Variants in LAMB1 observed in about 807,000 individuals in gnomAD.
The protein encoded by LAMB1 is laminin subunit beta 1.
A neutral mutation model predicts 222.3 loss-of-function variants in LAMB1; 121 were observed. The observed-to-expected ratio is 0.54, with a 90% CI of 0.47 to 0.63. LAMB1 has a LOEUF of 0.63. Among genes scored for constraint, LAMB1 ranks in the 30% least tolerant of loss-of-function variants. The pLI, the probability that LAMB1 is intolerant of heterozygous loss-of-function variation, is 0.00. For missense variants in LAMB1, 2,172 were observed against 2,240.8 expected, an observed-to-expected ratio of 0.97 and a Z score of 0.62; for synonymous variants, 794 against 807.2, an observed-to-expected ratio of 0.98 and a Z score of 0.28.
intron 13 of LAMB1, among the ~76,000 whole-genome samples, chr7:107,966,994 ATGC>A (rs1373649006): frequency 1.3e-5 from 2 of 152,152 alleles, no homozygotes; most frequent in Non-Finnish European, 2.9e-5. Context: ...TGGCTTTCCT[ATGC>A]AGATGGCCCT....
intron 21 of LAMB1, among the ~76,000 whole-genome samples, chr7:107,955,181 G>C (rs1283149066): frequency 1.3e-5 from 2 of 152,178 alleles, no homozygotes; most frequent in Non-Finnish European, 2.9e-5. Flanking sequence ...TAAAACTTAA[G>C]TTAATCTTTC....
In LAMB1 at chr7:107,960,609, G is replaced by A. The variant is rs2033478015; in HGVS notation, c.2150C>T (p.Thr717Ile). Residue 717 changes from threonine (T) to isoleucine (I), a missense_variant, in exon 18 of 34, where the codon ACC (threonine) becomes ATC (isoleucine). By Grantham distance (89) the Thr-to-Ile change is moderately conservative (BLOSUM62 -1). Coordinates refer to ENST00000222399, the MANE Select transcript of LAMB1 (RefSeq NM_002291.3). ...MPYCKSLDIF[T>I]VGGSGDGVVT... ...CACCCCATCTCCTGAACCTCCCACG[G>A]TGAAGATGTCCAGTGATTTACAGTA... The A allele has an allele frequency of 1.2e-6, 2 of 1,614,098 alleles. No individual in the cohort carries two copies. The highest frequency in any genetic ancestry group is 1.3e-5 in the African/African-American group (1 of 74,944).
rs78349536 is a variant in LAMB1, at chr7:107,933,692, C to T, written c.4189-1315G>A. On this transcript the variant is annotated intron_variant, in intron 27 of 33. Transcript: ENST00000222399. Reference sequence around the variant, plus strand: ...GAAAAACAAAAGGACAAAACTCTCTCTACACAAGGAAATGGCAGTAAAGAA... The same window carrying T: ...GAAAAACAAAAGGACAAAACTCTCTTTACACAAGGAAATGGCAGTAAAGAA... 2.7e-3 allele frequency among the ~76,000 whole-genome samples: 405 copies of T among 152,236 alleles called. 5 individuals carry two copies. Among genetic ancestry groups the T allele is most frequent in the East Asian group, 0.023 (120 of 5,180 alleles).
intron 14 of LAMB1, 101 bp downstream of exon 14, chr7:107,964,451 G>A (rs2033582735): frequency 2.9e-6 from 4 of 1,378,234 alleles, no homozygotes; most frequent in South Asian, 1.3e-5. Context: ...CACTGACAAA[G>A]CTATAAAAAT....
intron 24 of LAMB1, among the ~76,000 whole-genome samples, chr7:107,946,067 T>C (rs1262286327): frequency 6.6e-6 from 1 of 152,196 alleles, no homozygotes; most frequent in Non-Finnish European, 1.5e-5. Flanking sequence ...TCCTCCTTTT[T>C]GTTGGAAACT....
At chr7:107,940,407 A>G in intron 24 of LAMB1, 49 bp from the exon 25 acceptor site, 1 of 1,565,172 alleles carries the variant, frequency 6.4e-7, no homozygotes, top group South Asian at 1.2e-5. Flanking sequence ...CATGAACCTC[A>G]GTGACAAGAT....
chr7:107,956,894 G>A (rs913590304), intron 20 of LAMB1, among the ~76,000 whole-genome samples: 1 of 152,170 alleles, frequency 6.6e-6, no homozygotes, highest in Non-Finnish European at 1.5e-5. Flanking sequence ...GGAGGTCAAA[G>A]GATTCTCAAA....
intron 20 of LAMB1, among the ~76,000 whole-genome samples, 178 bp downstream of exon 20, chr7:107,959,071 T>C (rs1268634500): frequency 6.6e-6 from 1 of 152,134 alleles, no homozygotes; most frequent in Non-Finnish European, 1.5e-5. Flanking sequence ...GCCTGGCACA[T>C]AGAGGATGTC....
intron 5 of LAMB1, among the ~76,000 whole-genome samples, chr7:107,990,031 T>TGC (rs2034151789): frequency 6.6e-6 from 1 of 151,890 alleles, no homozygotes; most frequent in African/African-American, 2.4e-5. Flanking sequence ...TTTTGTGTTT[T>TGC]TTTTTGTTTG....
chr7:107,998,454 A>G lies in LAMB1; in HGVS notation c.252T>C (p.Pro84=), dbSNP rs994354247. ...TGTCAGGATTCAGGGTCTCATGATA[A>G]GGATCTTGGGAATTGCATATGAAGC... ...KKCFICNSQD[P]YHETLNPDSH... The change falls in exon 4 of 34, where the codon CCT becomes CCC. Residue 84 remains proline (P), a synonymous_variant. Transcript: ENST00000222399. 7 of 1,613,914 alleles carry G rather than the reference A, an allele frequency of 4.3e-6. No individual in the cohort carries two copies. The highest frequency in any genetic ancestry group is 5.1e-6 in the Non-Finnish European group (6 of 1,179,902).
chr7:107,934,318 A>G (rs2032787617), intron 27 of LAMB1, among the ~76,000 whole-genome samples: 1 of 152,206 alleles, frequency 6.6e-6, no homozygotes. Flanking sequence ...CAAAGCTGTA[A>G]TGAAGTTTGA....
Position 107,975,771 on chromosome 7 carries a change from G to A in LAMB1, c.1107C>T (p.Thr369=). 1 of 1,613,960 alleles carries A rather than the reference G, an allele frequency of 6.2e-7. No homozygotes were observed. Among genetic ancestry groups the A allele is most frequent in the Non-Finnish European group, 8.5e-7 (1 of 1,179,988 alleles). Reference sequence around the variant, plus strand: ...TGCACTGCTCACAGTTGCGCCCCATGGTGTTGTGCTGACAGTCATCACACA... The same window carrying A: ...TGCACTGCTCACAGTTGCGCCCCATAGTGTTGTGCTGACAGTCATCACACA... ...GGVCDDCQHN[T]MGRNCEQCKP... The change falls in exon 10 of 34, where the codon ACC becomes ACT. Residue 369 remains threonine, a synonymous_variant. Coordinates refer to ENST00000222399, the MANE Select transcript of LAMB1 (RefSeq NM_002291.3).
At chr7:107,970,550 T>C (rs960887384) in intron 13 of LAMB1, among the ~76,000 whole-genome samples, 3 of 150,898 alleles carry the variant, frequency 2.0e-5, no homozygotes, top group African/African-American at 4.9e-5. Context: ...CTACATTTCA[T>C]TGTTAAAATA....
intron 14 of LAMB1, among the ~76,000 whole-genome samples, chr7:107,963,442 T>G (rs1001961378): frequency 6.6e-6 from 1 of 152,216 alleles, no homozygotes; most frequent in Non-Finnish European, 1.5e-5. Flanking sequence ...CAGTATCTAG[T>G]GGATTTCTGT....
chr7:107,942,128 A>T (rs1184574178), intron 24 of LAMB1: 1 of 151,988 alleles, frequency 6.6e-6, no homozygotes, highest in Non-Finnish European at 1.5e-5. Context: ...AATAGCTGGG[A>T]CTACAGGCAT....
intron 21 of LAMB1, among the ~76,000 whole-genome samples, chr7:107,955,219 A>G (rs2150424264): frequency 6.6e-6 from 1 of 152,330 alleles, no homozygotes; most frequent in South Asian, 2.1e-4. Context: ...AAAGTGTTCC[A>G]CAGGGTTTCT....
Position 107,980,617 on chromosome 7 carries a change from C to T in LAMB1, c.871G>A (p.Glu291Lys). 1.2e-6 allele frequency: 2 copies of T among 1,613,580 alleles called. No individual in the cohort carries two copies. The highest frequency in any genetic ancestry group is 2.2e-5 in the East Asian group (1 of 44,884). Residue 291 changes from glutamate (E) to lysine (K), a missense_variant, in exon 8 of 34, where the codon GAA becomes AAA. Physicochemically the swap from Glu to Lys is moderately conservative, Grantham distance 56. Coordinates refer to ENST00000222399, the MANE Select transcript of LAMB1 (RefSeq NM_002291.3). ...ACAGAGGGCTTACTTACCATTCCTT[C>T]CACTTCTTCATTGAATCCATCCACA... ...APVDGFNEEV[E>K]GMVHGHCMCR... is the part of the protein sequence containing the mutation.
intron 30 of LAMB1, 56 bp downstream of exon 30, chr7:107,929,356 T>C: frequency 1.3e-6 from 2 of 1,542,734 alleles, no homozygotes; most frequent in South Asian, 1.1e-5. Flanking sequence ...AGAGATACTT[T>C]TTACTCCATG....
chr7:107,976,099 G>C (rs2033848462), intron 9 of LAMB1, among the ~76,000 whole-genome samples: 1 of 152,152 alleles, frequency 6.6e-6, no homozygotes, highest in South Asian at 2.1e-4. Context: ...AAAATAAACA[G>C]TTATCTGACC....
Sources: gnomAD v4.1 joint callset for allele counts (sites outside exome capture counted in the v4.1 genomes callset) on GRCh38, gnomAD v4.1.1 for gene constraint, MANE v1.5 for transcripts, NCBI Gene and HGNC (gene_info 2026-07-23, HGNC 2026-07-21) for gene names.